CD96: variants seen among roughly 807,000 people sequenced by gnomAD.
The protein encoded by CD96 is T-cell surface protein tactile.
CD96 carries 70 observed loss-of-function variants against 71.3 expected under a neutral mutation model. That is an observed-to-expected ratio of 0.98 (90% CI 0.81 to 1.20). CD96 has a LOEUF of 1.20. CD96 is among the 50% of genes most tolerant of loss of function. The pLI is 0.00. For synonymous variants in CD96, 248 were observed against 233.0 expected (o/e 1.06, Z -0.59); for missense variants, 742 against 677.5 (o/e 1.10, Z -1.06).
chr3:111,634,449 AT>A (rs570316255), intron 10 of CD96: 11 of 152,842 alleles, frequency 7.2e-5, no homozygotes, highest in Non-Finnish European at 1.5e-4. Flanking sequence ...AGAGAAGTTT[AT>A]CAGTCAAGCT....
intron 2 of CD96, among the ~76,000 whole-genome samples, chr3:111,549,174 C>T (rs1161867701): frequency 1.3e-5 from 2 of 152,020 alleles, no homozygotes; most frequent in African/African-American, 2.4e-5. Flanking sequence ...CTTCCCCTCC[C>T]CTCCCCTCTC....
At chr3:111,564,864 C>G (rs1230365579) in intron 2 of CD96, among the ~76,000 whole-genome samples, 1 of 152,012 alleles carries the variant, frequency 6.6e-6, no homozygotes, top group African/African-American at 2.4e-5. Context: ...AGTAATTTAC[C>G]ATTGTACTTT....
At chr3:111,664,966 T>C (rs898355801) in intron 14 of CD96, among the ~76,000 whole-genome samples, 4 of 152,240 alleles carry the variant, frequency 2.6e-5, no homozygotes, top group Non-Finnish European at 5.9e-5. Context: ...ACAGTTATTA[T>C]TTAGCAGTCA....
intron 7 of CD96, among the ~76,000 whole-genome samples, chr3:111,604,807 C>T (rs1036585907): frequency 1.3e-5 from 2 of 152,184 alleles, no homozygotes; most frequent in African/African-American, 4.8e-5. Flanking sequence ...GCTTTGTAGA[C>T]TTTTTAATCT....
chr3:111,578,361 T>C (rs1304191240), intron 3 of CD96, among the ~76,000 whole-genome samples: 1 of 152,178 alleles, frequency 6.6e-6, no homozygotes, highest in Non-Finnish European at 1.5e-5. Flanking sequence ...GATTAACATT[T>C]TCAGGCTACT....
At chr3:111,630,324 A>T (rs1318112104) in intron 10 of CD96, among the ~76,000 whole-genome samples, 1 of 152,202 alleles carries the variant, frequency 6.6e-6, no homozygotes, top group Non-Finnish European at 1.5e-5. Context: ...TATAAGAGGG[A>T]TATTACCACT....
intron 5 of CD96, among the ~76,000 whole-genome samples, chr3:111,596,035 G>A (rs902621730): frequency 2.0e-5 from 3 of 152,032 alleles, no homozygotes; most frequent in Middle Eastern, 3.4e-3. Context: ...GGTGGTGCAC[G>A]CCTGTAATCC....
chr3:111,561,241 G>A lies in CD96; in HGVS notation c.419-6282G>A, dbSNP rs1489184356. ...GTCATTCTCCATCCAGCTTTGTTCC[G>A]TTGCTGGTGAGGAACTGTGTTCCTT... is the stretch of plus-strand genomic sequence containing the variant. On this transcript the variant is annotated intron_variant, in intron 2 of 13. Transcript: ENST00000352690. 7.9e-3 allele frequency among the ~76,000 whole-genome samples: 1,173 copies of A among 149,076 alleles called. 17 individuals are homozygous for A. The highest frequency in any genetic ancestry group is 0.027 in the African/African-American group (1,082 of 40,452).
chr3:111,566,393 A>C (rs527897781), intron 2 of CD96, among the ~76,000 whole-genome samples: 4 of 152,112 alleles, frequency 2.6e-5, no homozygotes, highest in Non-Finnish European at 5.9e-5. Flanking sequence ...GAAATGACTA[A>C]ATGAATGATG....
chr3:111,649,632 C>G, intron 13 of CD96, 66 bp from the exon 14 acceptor site: 2 of 907,040 alleles, frequency 2.2e-6, no homozygotes, highest in Non-Finnish European at 3.7e-6. Context: ...CAACACATGT[C>G]TGTGTGTGTG....
chr3:111,605,033 C>A (rs529071133), intron 7 of CD96, among the ~76,000 whole-genome samples: 1 of 152,340 alleles, frequency 6.6e-6, no homozygotes, highest in Admixed American at 6.5e-5. Context: ...TAAGGTACCA[C>A]TTTGGAAGAT....
chr3:111,645,086 CA>C lies in CD96; in HGVS notation c.1478-2455del, dbSNP rs538661760. 2.9e-3 allele frequency among the ~76,000 whole-genome samples: 437 copies of C among 152,132 alleles called. 4 individuals are homozygous for C. The highest frequency in any genetic ancestry group is 9.9e-3 in the African/African-American group (409 of 41,500). On this transcript the variant is annotated intron_variant, in intron 12 of 13. Coordinates refer to ENST00000352690, the MANE Select transcript of CD96 (RefSeq NM_005816.5). ...TGTATGTTTATAGCAGCACAATTCA[CA>C]ATTACAAAATCGTGGAACCAACCCA... is the stretch of plus-strand genomic sequence containing the variant.
intron 14 of CD96, among the ~76,000 whole-genome samples, chr3:111,659,064 T>C (rs1387495605): frequency 6.6e-6 from 1 of 152,208 alleles, no homozygotes; most frequent in East Asian, 1.9e-4. Flanking sequence ...ATTTCAGAAG[T>C]TGATATTAGT....
chr3:111,619,313 G>A (rs1938403572), intron 8 of CD96, among the ~76,000 whole-genome samples: 2 of 152,130 alleles, frequency 1.3e-5, no homozygotes, highest in South Asian at 4.1e-4. Context: ...ATAGAAATGA[G>A]CCAGGAAGGC....
chr3:111,628,846 T>C (rs775859344), intron 10 of CD96, among the ~76,000 whole-genome samples: 10 of 152,114 alleles, frequency 6.6e-5, no homozygotes, highest in Non-Finnish European at 1.5e-4. Context: ...CCAGAAGAGA[T>C]TGGGAGCCTA....
intron 10 of CD96, among the ~76,000 whole-genome samples, chr3:111,628,833 A>G (rs1576410734): frequency 6.6e-6 from 1 of 152,234 alleles, no homozygotes; most frequent in African/African-American, 2.4e-5. Flanking sequence ...GAAATCCCAC[A>G]ATCCAGAAGA....
At position 111,606,740 on chromosome 3, in the gene CD96, A is replaced by G. The variant is rs1263747136; in HGVS notation, c.1128A>G (p.Thr376=). ...CAACAGACCCTCCACTGAGTGTTAC[A>G]GAATCTACCCTTGACACCCAACCTT... ...ISSTDPPLSV[T]ESTLDTQPSP... The change falls in exon 8 of 14, where the codon ACA becomes ACG. Residue 376 remains threonine, a synonymous_variant. Coordinates refer to ENST00000352690, the MANE Select transcript of CD96 (RefSeq NM_005816.5). 3 of 1,608,040 alleles carry G rather than the reference A, an allele frequency of 1.9e-6. No individual in the cohort carries two copies. Among genetic ancestry groups the G allele is most frequent in the Non-Finnish European group, 2.6e-6 (3 of 1,174,520 alleles).
At chr3:111,661,018 G>T (rs772657975) in intron 14 of CD96, among the ~76,000 whole-genome samples, 9 of 152,174 alleles carry the variant, frequency 5.9e-5, no homozygotes, top group Non-Finnish European at 1.0e-4. Context: ...GGAGAAAAGA[G>T]ATTTAATTGA....
At chr3:111,660,200 T>C (rs1432667338) in intron 14 of CD96, among the ~76,000 whole-genome samples, 1 of 152,202 alleles carries the variant, frequency 6.6e-6, no homozygotes, top group Non-Finnish European at 1.5e-5. Flanking sequence ...TATAAATCAG[T>C]AGCATTTCTA....
Sources: allele counts gnomAD v4.1 joint callset (sites outside exome capture counted in the v4.1 genomes callset), GRCh38; gene constraint gnomAD v4.1.1; transcripts MANE v1.5; gene names NCBI Gene and HGNC (gene_info 2026-07-23, HGNC 2026-07-21).